POT1: variants seen among roughly 807,000 people sequenced by gnomAD.
POT1 encodes the protein protection of telomeres protein 1.
POT1 carries 47 observed loss-of-function variants against 78.5 expected under a neutral mutation model. The observed-to-expected ratio is 0.60, with a 90% CI of 0.47 to 0.76. The LOEUF is 0.76. Among genes scored for constraint, POT1 ranks in the 30% least tolerant of loss-of-function variants. The pLI is 0.00. For missense variants in POT1, 646 were observed against 749.9 expected (o/e 0.86, Z 1.62); for synonymous variants, 259 against 260.7 (o/e 0.99, Z 0.06).
intron 6 of POT1, among the ~76,000 whole-genome samples, chr7:124,884,054 C>T (rs1021081780): frequency 2.0e-5 from 3 of 151,822 alleles, no homozygotes; most frequent in African/African-American, 2.4e-5. Flanking sequence ...AAAATTAAAA[C>T]GCAAAATATA....
chr7:124,924,216 A>G (rs942010187), intron 2 of POT1, among the ~76,000 whole-genome samples: 6 of 151,672 alleles, frequency 4.0e-5, no homozygotes, highest in Non-Finnish European at 7.4e-5. Flanking sequence ...AGAGAGAAAC[A>G]AAATTGATGA....
intron 3 of POT1, among the ~76,000 whole-genome samples, chr7:124,902,517 C>T (rs927283368): frequency 2.0e-5 from 3 of 151,960 alleles, no homozygotes; most frequent in South Asian, 2.1e-4. Flanking sequence ...CAAGAGCTCC[C>T]GAAGGAAGCA....
intron 5 of POT1, among the ~76,000 whole-genome samples, chr7:124,896,553 A>G (rs1377077760): frequency 6.6e-6 from 1 of 151,732 alleles, no homozygotes; most frequent in African/African-American, 2.4e-5. Context: ...GTTCAAAAAC[A>G]TAAGTAGAAC....
chr7:124,921,228 A>G (rs1335368091), intron 2 of POT1, among the ~76,000 whole-genome samples: 2 of 152,200 alleles, frequency 1.3e-5, no homozygotes, highest in Non-Finnish European at 2.9e-5. Context: ...ACAAAACAAT[A>G]AAAGTATGTC....
chr7:124,904,305 G>T (rs550440975), intron 3 of POT1, among the ~76,000 whole-genome samples: 1 of 150,328 alleles, frequency 6.7e-6, no homozygotes, highest in South Asian at 2.1e-4. Context: ...GCAGAATCAA[G>T]TTGGCTTCAT....
intron 3 of POT1, among the ~76,000 whole-genome samples, chr7:124,915,135 ACT>A (rs1242762031): frequency 7.9e-5 from 12 of 152,150 alleles, no homozygotes; most frequent in Non-Finnish European, 1.5e-4. Context: ...TCTGATATAT[ACT>A]TAGTAGTCAG....
At chr7:124,913,105 A>T (rs1289722763) in intron 3 of POT1, among the ~76,000 whole-genome samples, 1 of 151,606 alleles carries the variant, frequency 6.6e-6, no homozygotes, top group African/African-American at 2.4e-5. Context: ...ATCCCGTGAA[A>T]CTCCTTCACT....
Position 124,846,764 on chromosome 7 carries a change from T to C in POT1, c.1006+178A>G, listed in dbSNP as rs140397392. On this transcript the variant is annotated intron_variant, in intron 12 of 18. Transcript: ENST00000357628. ...GCAATGTAAAGACACGTTATCTTTATGGGTTCCATTTTATGCCAACAAGAC... is the reference window on the plus strand; with the variant it reads ...GCAATGTAAAGACACGTTATCTTTACGGGTTCCATTTTATGCCAACAAGAC... 5.6e-4 allele frequency among the ~76,000 whole-genome samples: 85 copies of C among 152,244 alleles called. No homozygotes were observed. The East Asian group carries it at 0.016, about 28-fold the overall frequency.
chr7:124,835,259 A>G lies in POT1; in HGVS notation c.1505+20T>C, dbSNP rs1437471900. 2 of 1,612,172 alleles carry G rather than the reference A, an allele frequency of 1.2e-6. No homozygotes were observed. The highest frequency in any genetic ancestry group is 2.2e-5 in the East Asian group (1 of 44,806). ...AAGTATAATAAACAAAACAAAACAA[A>G]ACAAAACAAAACAAAATACCCATAG... On this transcript the variant is annotated intron_variant, in intron 15 of 18. Coordinates refer to ENST00000357628, the MANE Select transcript of POT1 (RefSeq NM_015450.3).
rs138690617 is a variant in POT1 at position 124,835,538 on chromosome 7, G to C, written c.1370-124C>G. 5.2e-4 allele frequency: 544 copies of C among 1,045,424 alleles called. 7 individuals are homozygous for C. In the Admixed American group the frequency reaches 0.014, roughly 27 times the overall value. 64.8% of individuals were successfully genotyped at this position (1,045,424 alleles called of 1,614,324 possible). On this transcript the variant is annotated intron_variant, in intron 14 of 18. Coordinates refer to ENST00000357628, the MANE Select transcript of POT1 (RefSeq NM_015450.3). ...GAATTGACAGAAAAAGACAATGAAT[G>C]TATGTAAAAAATATTAATTTGTAAA... is the stretch of plus-strand genomic sequence containing the variant.
intron 3 of POT1, among the ~76,000 whole-genome samples, chr7:124,908,270 T>C (rs1427626262): frequency 6.6e-6 from 1 of 151,920 alleles, no homozygotes; most frequent in Non-Finnish European, 1.5e-5. Flanking sequence ...TGACAGAAAA[T>C]GTTTCTCTAT....
rs771332171 is a variant in POT1, at chr7:124,870,947, A to G, written c.219T>C (p.Tyr73=). The G allele has an allele frequency of 6.2e-7, 1 of 1,609,152 alleles. No homozygotes were observed. The change falls in exon 7 of 19, where the codon TAT becomes TAC. Residue 73 remains tyrosine (Y), a synonymous_variant. Transcript: ENST00000357628. The stretch of plus-strand genomic sequence containing the variant: ...GAAAGCGAACAATATCTCCATTTTT[A>G]TAAATTATTGGAAGGGCTTCATAGT... The part of the protein sequence containing the change: ...SGNYEALPII[Y]KNGDIVRFHR...
At chr7:124,908,858 G>A (rs920089045) in intron 3 of POT1, among the ~76,000 whole-genome samples, 19 of 151,786 alleles carry the variant, frequency 1.3e-4, no homozygotes, top group Non-Finnish European at 2.7e-4. Context: ...AAAATAAACT[G>A]TACAACTGCT....
chr7:124,840,907 C>G (rs1162721015), intron 14 of POT1, 66 bp downstream of exon 14: 1 of 1,301,838 alleles, frequency 7.7e-7, no homozygotes, highest in Non-Finnish European at 1.1e-6. Flanking sequence ...ATGTATTAAA[C>G]AATAATTAAT....
intron 13 of POT1, among the ~76,000 whole-genome samples, chr7:124,841,931 G>A (rs991239842): frequency 6.6e-6 from 1 of 151,772 alleles, no homozygotes; most frequent in Non-Finnish European, 1.5e-5. Context: ...GCTCAAATGG[G>A]TAAAAACAGT....
At chr7:124,869,797 T>C (rs996508305) in intron 7 of POT1, among the ~76,000 whole-genome samples, 2 of 152,150 alleles carry the variant, frequency 1.3e-5, no homozygotes, top group Non-Finnish European at 2.9e-5. Context: ...GTCAGGCTGG[T>C]CTTGAACTCC....
chr7:124,878,696 G>A (rs906325943), intron 6 of POT1, among the ~76,000 whole-genome samples: 5 of 151,970 alleles, frequency 3.3e-5, no homozygotes, highest in African/African-American at 7.2e-5. Flanking sequence ...TGAAGGCGCA[G>A]TTTTATTATT....
intron 6 of POT1, among the ~76,000 whole-genome samples, chr7:124,891,931 G>A (rs1013581711): frequency 1.3e-5 from 2 of 151,358 alleles, no homozygotes; most frequent in East Asian, 1.9e-4. Flanking sequence ...AGAATTAAAC[G>A]TGATTTATGC....
At chr7:124,916,764 G>T (rs1439493774) in intron 2 of POT1, among the ~76,000 whole-genome samples, 1 of 152,042 alleles carries the variant, frequency 6.6e-6, no homozygotes, top group Non-Finnish European at 1.5e-5. Flanking sequence ...GCCAAGTATG[G>T]TGCAATGAAA....
Sources: gnomAD v4.1 joint callset for allele counts (sites outside exome capture counted in the v4.1 genomes callset) on GRCh38, gnomAD v4.1.1 for gene constraint, MANE v1.5 for transcripts, NCBI Gene and HGNC (gene_info 2026-07-23, HGNC 2026-07-21) for gene names.